Variants in CLVS1 observed in about 807,000 individuals in gnomAD.
CLVS1 encodes clavesin 1.
CLVS1 carries 10 observed loss-of-function variants against 33.1 expected under a neutral mutation model. That is an observed-to-expected ratio of 0.30 (90% CI 0.19 to 0.51). CLVS1 has a LOEUF of 0.51. CLVS1 is among the 20% of genes least tolerant of loss of function. CLVS1 has a pLI of 0.97. For synonymous variants in CLVS1, 163 were observed against 166.1 expected, an observed-to-expected ratio of 0.98 and a Z score of 0.14; for missense variants, 343 against 433.4, an observed-to-expected ratio of 0.79 and a Z score of 1.85.
chr8:61,275,683 C>A (rs1403823727), intron 2 of CLVS1, among the ~76,000 whole-genome samples: 1 of 152,152 alleles, frequency 6.6e-6, no homozygotes, highest in African/African-American at 2.4e-5. Context: ...AAATTTATTG[C>A]TCATTTCGCG....
At chr8:61,382,068 C>T (rs959601965) in intron 3 of CLVS1, among the ~76,000 whole-genome samples, 1 of 152,098 alleles carries the variant, frequency 6.6e-6, no homozygotes, top group Non-Finnish European at 1.5e-5. Context: ...CACAGCCTGC[C>T]CCCTTTTCCA....
At chr8:61,134,217 G>T (rs151215342) in intron 2 of CLVS1, among the ~76,000 whole-genome samples, 1 of 152,276 alleles carries the variant, frequency 6.6e-6, no homozygotes, top group Non-Finnish European at 1.5e-5. Context: ...ACTCCACTCT[G>T]CTCAGCACAT....
intron 1 of CLVS1, among the ~76,000 whole-genome samples, chr8:61,111,838 T>C (rs1318487239): frequency 6.6e-6 from 1 of 152,194 alleles, no homozygotes; most frequent in Non-Finnish European, 1.5e-5. Flanking sequence ...AAATATTTCA[T>C]TGAAATTTTA....
chr8:61,182,478 T>C (rs1807257756), intron 2 of CLVS1, among the ~76,000 whole-genome samples: 2 of 152,040 alleles, frequency 1.3e-5, no homozygotes, highest in African/African-American at 4.8e-5. Context: ...CTTAAACAAA[T>C]TTATGAGAAA....
At chr8:61,440,110 ATCTC>A (rs1816483934) in intron 3 of CLVS1, among the ~76,000 whole-genome samples, 1 of 152,184 alleles carries the variant, frequency 6.6e-6, no homozygotes, top group Non-Finnish European at 1.5e-5. Flanking sequence ...GTCTTTCTCC[ATCTC>A]TCTCACTAGT....
chr8:61,010,071 T>C, the CLVS1 span, among the ~76,000 whole-genome samples: 1 of 152,136 alleles, frequency 6.6e-6, no homozygotes, highest in African/African-American at 2.4e-5. Context: ...AATCAGTAAA[T>C]AGACAGCAGA....
intron 4 of CLVS1, among the ~76,000 whole-genome samples, chr8:61,455,941 A>G (rs1817140035): frequency 6.6e-6 from 1 of 152,248 alleles, no homozygotes; most frequent in Admixed American, 6.5e-5. Flanking sequence ...GTTTGAAACC[A>G]GGAATTAGAA....
At chr8:61,074,135 T>C (rs1316557522) in intron 1 of CLVS1, among the ~76,000 whole-genome samples, 1 of 151,322 alleles carries the variant, frequency 6.6e-6, no homozygotes, top group African/African-American at 2.4e-5. Context: ...CCTAGGAGTT[T>C]GAGACCAGCC....
intron 2 of CLVS1, among the ~76,000 whole-genome samples, chr8:61,195,789 A>T (rs556719850): frequency 5.5e-4 from 83 of 152,264 alleles, no homozygotes; most frequent in African/African-American, 1.8e-3. Context: ...TGACTGGGAA[A>T]GGTAGAAATG....
At chr8:61,381,624 A>G (rs6471949) in intron 3 of CLVS1, among the ~76,000 whole-genome samples, 91,925 of 151,886 alleles carry the variant, frequency 0.61, 30,572 homozygotes, top group Non-Finnish European at 0.73. Context: ...GGTGTCTATT[A>G]TTCCCTTCTT....
chr8:61,353,276 A>G (rs769534861), intron 2 of CLVS1, among the ~76,000 whole-genome samples: 1 of 152,190 alleles, frequency 6.6e-6, no homozygotes, highest in South Asian at 2.1e-4. Flanking sequence ...AACATTCATC[A>G]AGATAGACTG....
In CLVS1 at chr8:61,267,952, T is replaced by A. The variant is rs1055871467; in HGVS notation, c.-151-31725T>A. Among the ~76,000 whole-genome samples the A allele has an allele frequency of 1.3e-4, 20 of 152,122 alleles. No homozygotes were observed. In the South Asian group the frequency reaches 2.5e-3, roughly 19 times the overall value. On this transcript the variant is annotated intron_variant, in intron 2 of 2. Transcript: ENST00000522621. ...AATTAACTCTTTATTGATGGATCGA[T>A]CAGAGGAGGAGACTTTGCCATTCAT...
intron 2 of CLVS1, among the ~76,000 whole-genome samples, chr8:61,172,354 G>A (rs1807019884): frequency 6.6e-6 from 1 of 152,106 alleles, no homozygotes; most frequent in African/African-American, 2.4e-5. Flanking sequence ...AGTTTGAAGT[G>A]ACTTTGAGAC....
At chr8:61,444,019 G>T (rs1816665045) in intron 3 of CLVS1, among the ~76,000 whole-genome samples, 1 of 151,498 alleles carries the variant, frequency 6.6e-6, no homozygotes, top group African/African-American at 2.4e-5. Context: ...TTTTAATTTT[G>T]GTGTCTTCAT....
chr8:61,454,014 C>T, intron 3 of CLVS1, 127 bp from the exon 4 acceptor site: 1 of 717,976 alleles, frequency 1.4e-6, no homozygotes, highest in South Asian at 1.6e-5. Context: ...TCTTCCTCTC[C>T]TCATCCTGAA....
chr8:61,199,136 A>G (rs2129304516), intron 2 of CLVS1, among the ~76,000 whole-genome samples: 1 of 152,286 alleles, frequency 6.6e-6, no homozygotes, highest in Non-Finnish European at 1.5e-5. Flanking sequence ...TCTTTGAGAA[A>G]TCTTCATACT....
chr8:61,028,315 G>A, the CLVS1 span, among the ~76,000 whole-genome samples: 1 of 152,284 alleles, frequency 6.6e-6, no homozygotes, highest in African/African-American at 2.4e-5. Context: ...CGAGTAATAT[G>A]AATTGATTGT....
At chr8:61,360,347 C>G (rs531986154) in intron 2 of CLVS1, among the ~76,000 whole-genome samples, 2 of 152,236 alleles carry the variant, frequency 1.3e-5, no homozygotes, top group South Asian at 4.2e-4. Flanking sequence ...ATTTCCAACC[C>G]AGAAATCCTC....
chr8:61,408,687 A>G (rs186083519), intron 3 of CLVS1, among the ~76,000 whole-genome samples: 6 of 152,354 alleles, frequency 3.9e-5, no homozygotes, highest in African/African-American at 1.4e-4. Flanking sequence ...AGAGCAATTT[A>G]TAGTCAAGGC....
Sources: gnomAD v4.1 joint callset for allele counts (sites outside exome capture counted in the v4.1 genomes callset) on GRCh38, gnomAD v4.1.1 for gene constraint, MANE v1.5 for transcripts, NCBI Gene and HGNC (gene_info 2026-07-23, HGNC 2026-07-21) for gene names.